Variants in EIF2AK1 observed in about 807,000 individuals in gnomAD.
EIF2AK1 encodes the protein eukaryotic translation initiation factor 2 alpha kinase 1, also known as eukaryotic translation initiation factor 2-alpha kinase 1.
EIF2AK1 carries 54 observed loss-of-function variants against 77.9 expected under a neutral mutation model. The observed-to-expected ratio is 0.69, with a 90% CI of 0.56 to 0.87. The LOEUF is 0.87. Ranked by LOEUF, EIF2AK1 falls within the 40% of genes least tolerant of loss-of-function variation. The pLI is 0.00. For missense variants in EIF2AK1, 810 were observed against 768.6 expected (o/e 1.05, Z -0.64); for synonymous variants, 314 against 290.5 (o/e 1.08, Z -0.82).
intron 1 of EIF2AK1, chr7:6,057,405 T>C (rs1788811860): frequency 6.6e-6 from 1 of 152,038 alleles, no homozygotes; most frequent in Admixed American, 6.6e-5. Context: ...TTTAAATCAA[T>C]TGCAACACAT....
rs755878275 is a variant in EIF2AK1 at position 6,028,677 on chromosome 7, T to G, written c.1468A>C (p.Arg490=). The change falls in exon 13 of 15, where the codon AGA becomes CGA. Residue 490 remains arginine, a synonymous_variant. Transcript: ENST00000199389. ...NGKRTPTHTS[R]VGTCLYASPE... is the part of the protein sequence containing the mutation. ...GAAGCGTACAGACAAGTACCCACTC[T>G]GGACGTATGTGTTGGTGTTCCTATC... 3 of 1,614,260 alleles carry G rather than the reference T, an allele frequency of 1.9e-6. No individual in the cohort carries two copies. The highest frequency in any genetic ancestry group is 2.5e-6 in the Non-Finnish European group (3 of 1,180,038).
chr7:6,045,845 G>A (rs761965302), intron 6 of EIF2AK1, among the ~76,000 whole-genome samples: 1 of 151,374 alleles, frequency 6.6e-6, no homozygotes, highest in Non-Finnish European at 1.5e-5. Context: ...GCTGCAGTGA[G>A]CCGAGATCAC....
At chr7:6,025,848 G>A (rs1787731336) in intron 14 of EIF2AK1, among the ~76,000 whole-genome samples, 2 of 151,980 alleles carry the variant, frequency 1.3e-5, no homozygotes, top group South Asian at 4.1e-4. Context: ...GGCCGGGCTG[G>A]TCTTGAACTC....
At position 6,023,039 on chromosome 7, in the gene EIF2AK1, G is replaced by GA; in HGVS notation, c.*1633_*1634insT. 2.3e-5 allele frequency: 9 copies of GA among 395,812 alleles called. No individual in the cohort carries two copies. Among genetic ancestry groups the GA allele is most frequent in the South Asian group, 1.3e-4 (3 of 22,976 alleles). 24.5% of individuals were successfully genotyped at this position (395,812 alleles called of 1,614,324 possible). On this transcript the variant is annotated 3_prime_UTR_variant, in exon 15 of 15. Transcript: ENST00000199389. ...TAGGCAGCAGGGATTGGAGCAGGTG[G>GA]TCTGAGGTCCCTTCTAGCTTCAGAA...
chr7:6,027,050 A>G lies in EIF2AK1; in HGVS notation c.1531-89T>C, dbSNP rs1229842086. 1 of 1,067,668 alleles carries G rather than the reference A, an allele frequency of 9.4e-7. No homozygotes were observed. The highest frequency in any genetic ancestry group is 1.6e-5 in the African/African-American group (1 of 63,626). 66.1% of individuals were successfully genotyped at this position (1,067,668 alleles called of 1,614,324 possible). A position where few individuals can be genotyped will look rare whatever the true frequency, so the allele number is the denominator to read the frequency against. ...CCGTGTTCCACCCTCCAAACAGGAG[A>G]GGGTTTCTAAGAATGAGGATATACG... On this transcript the variant is annotated intron_variant, in intron 13 of 14. Transcript: ENST00000199389. This position sits in a 1 kb window ranked among gnomAD's most constrained non-coding sequence, Gnocchi z 4.5.
intron 13 of EIF2AK1, among the ~76,000 whole-genome samples, chr7:6,028,246 T>A (rs752157669): frequency 9.3e-5 from 11 of 118,310 alleles, no homozygotes; most frequent in Non-Finnish European, 1.8e-4. Flanking sequence ...CATTTCATTG[T>A]ACTGTTTGTT....
Position 6,033,093 on chromosome 7 carries a change from C to T in EIF2AK1, c.1333-4061G>A, listed in dbSNP as rs911845903. 2.0e-5 allele frequency among the ~76,000 whole-genome samples: 3 copies of T among 152,120 alleles called. No individual in the cohort carries two copies. The highest frequency in any genetic ancestry group is 2.9e-5 in the Non-Finnish European group (2 of 68,018). Reference sequence around the variant, plus strand: ...AAGAGCTTCTCCCACCTCAGCCTCCCGAGTAGCTGGGATTACAGGTGTGCG... The same window carrying T: ...AAGAGCTTCTCCCACCTCAGCCTCCTGAGTAGCTGGGATTACAGGTGTGCG... On this transcript the variant is annotated intron_variant, in intron 11 of 14. Coordinates refer to ENST00000199389, the MANE Select transcript of EIF2AK1 (RefSeq NM_014413.4). The surrounding 1 kb of genome is among the most constrained non-coding windows in gnomAD (Gnocchi z 4.4).
At chr7:6,041,363 AC>A in intron 8 of EIF2AK1, 144 bp from the exon 9 acceptor site, 1 of 825,036 alleles carries the variant, frequency 1.2e-6, no homozygotes, top group Non-Finnish European at 1.8e-6. Flanking sequence ...ACATGGTAAA[AC>A]CCCATCTCAA....
At chr7:6,031,396 A>T (rs2128886114) in intron 11 of EIF2AK1, 14 of 1,550,784 alleles carry the variant, frequency 9.0e-6, no homozygotes, top group Non-Finnish European at 1.2e-5. Context: ...TAACCAGGAA[A>T]GGAAGCAGAG....
At chr7:6,026,992 G>A (rs1178851136) in intron 13 of EIF2AK1, 31 bp from the exon 14 acceptor site, 2 of 1,554,412 alleles carry the variant, frequency 1.3e-6, no homozygotes, top group East Asian at 4.5e-5. Flanking sequence ...GAACTCAGTA[G>A]TGAAATACAA....
chr7:6,055,676 TAAA>T (rs34819894), intron 1 of EIF2AK1, among the ~76,000 whole-genome samples: 14 of 116,228 alleles, frequency 1.2e-4, no homozygotes, highest in Admixed American at 2.6e-4. Flanking sequence ...ACTAAACAGG[TAAA>T]AAAAAAAAAA....
chr7:6,023,013 T>G lies in EIF2AK1; in HGVS notation c.*1660A>C, dbSNP rs1787545525. On this transcript the variant is annotated 3_prime_UTR_variant, in exon 15 of 15. Transcript: ENST00000199389. ...TTTCCAGCCCTCAGCCCCCAAAACC[T>G]TAGGCAGCAGGGATTGGAGCAGGTG... 9.4e-6 allele frequency: 3 copies of G among 319,144 alleles called. No homozygotes were observed. Among genetic ancestry groups the G allele is most frequent in the Admixed American group, 4.6e-5 (1 of 21,876 alleles). 19.8% of individuals were successfully genotyped at this position (319,144 alleles called of 1,614,324 possible).
In EIF2AK1 at chr7:6,023,119, G is replaced by C. The variant is rs908464052; in HGVS notation, c.*1554C>G. 3.1e-6 allele frequency: 2 copies of C among 651,630 alleles called. No homozygotes were observed. Among genetic ancestry groups the C allele is most frequent in the African/African-American group, 3.7e-5 (2 of 54,772 alleles). 40.4% of individuals were successfully genotyped at this position (651,630 alleles called of 1,614,324 possible). On this transcript the variant is annotated 3_prime_UTR_variant, in exon 15 of 15. Transcript: ENST00000199389. ...TTTGGTTACTTTTTTAACATAGTTT[G>C]CACTTAAACCCTTTTCAGTAGTAAG... is the stretch of plus-strand genomic sequence containing the variant.
chr7:6,035,034 C>CAGT lies in EIF2AK1; in HGVS notation c.1332+2387_1332+2389dup, dbSNP rs1788035827. Among the ~76,000 whole-genome samples, 1 of 152,164 alleles carries CAGT rather than the reference C, an allele frequency of 6.6e-6. No homozygotes were observed. Among genetic ancestry groups the CAGT allele is most frequent in the Admixed American group, 6.6e-5 (1 of 15,264 alleles). On this transcript the variant is annotated intron_variant, in intron 11 of 14. Coordinates refer to ENST00000199389, the MANE Select transcript of EIF2AK1 (RefSeq NM_014413.4). The surrounding 1 kb of genome is among the most constrained non-coding windows in gnomAD (Gnocchi z 5.5). ...AAGTCCACACAATTTCACAGAAAGC[C>CAGT]AGTAACCCAGCCCAGCACTGTGTGA... is the stretch of plus-strand genomic sequence containing the variant.
Position 6,041,036 on chromosome 7 carries a change from G to C in EIF2AK1, c.975C>G (p.Leu325=), listed in dbSNP as rs769419826. ...ACAAACCAGCCAAGCCATTTTCCTG[G>C]AGCTCCAGGGTCGACTCAAGTTCAC... ...ESGELESTLE[L]QENGLAGLSA... Residue 325 remains leucine (L), a synonymous_variant, in exon 9 of 15, where the codon CTC becomes CTG. Transcript: ENST00000199389. 8 of 1,613,986 alleles carry C rather than the reference G, an allele frequency of 5.0e-6. No individual in the cohort carries two copies. Among genetic ancestry groups the C allele is most frequent in the Non-Finnish European group, 6.8e-6 (8 of 1,180,036 alleles).
At chr7:6,045,900 A>C (rs938949637) in intron 6 of EIF2AK1, among the ~76,000 whole-genome samples, 171 bp downstream of exon 6, 5 of 151,868 alleles carry the variant, frequency 3.3e-5, no homozygotes, top group Admixed American at 1.3e-4. Context: ...CTCCATCTCA[A>C]AACAAAAAAT....
In EIF2AK1 at chr7:6,026,148, G is replaced by A. The variant is rs879055544; in HGVS notation, c.1764+580C>T. On this transcript the variant is annotated intron_variant, in intron 14 of 14. Transcript: ENST00000199389. ...GGGCACACTCTTCAGCACTACCCGG[G>A]GAGGTACCAGGATCATGTACAACTG... Among the ~76,000 whole-genome samples the A allele has an allele frequency of 3.3e-5, 5 of 152,186 alleles. No individual in the cohort carries two copies. In the South Asian group the frequency reaches 1.0e-3, roughly 32 times the overall value.
chr7:6,043,063 A>AAAATATAC (rs1395945308), intron 7 of EIF2AK1, 70 bp from the exon 8 acceptor site: 14 of 1,443,576 alleles, frequency 9.7e-6, no homozygotes, highest in Non-Finnish European at 1.4e-5. Flanking sequence ...AGACAGAGTT[A>AAAATATAC]AAATATACAA....
intron 7 of EIF2AK1, 39 bp downstream of exon 7, chr7:6,044,523 G>A: frequency 1.3e-6 from 2 of 1,560,316 alleles, no homozygotes; most frequent in Non-Finnish European, 1.8e-6. Flanking sequence ...GCTAAAGTTT[G>A]CCAACGCTTC....
Sources: allele counts gnomAD v4.1 joint callset (sites outside exome capture counted in the v4.1 genomes callset), GRCh38; gene constraint gnomAD v4.1.1; non-coding constraint Gnocchi (gnomAD v3.1); transcripts MANE v1.5; gene names NCBI Gene and HGNC (gene_info 2026-07-23, HGNC 2026-07-21).